Variants in ZFPM1 observed in about 807,000 individuals in gnomAD.
The protein encoded by ZFPM1 is zinc finger protein, FOG family member 1, also known as zinc finger protein ZFPM1.
A neutral mutation model predicts 46.3 loss-of-function variants in ZFPM1; 28 were observed. The ratio of observed to expected loss-of-function variants is 0.60; its 90% confidence interval spans 0.45 to 0.83. The LOEUF is 0.83. Ranked by LOEUF, ZFPM1 falls within the 40% of genes least tolerant of loss-of-function variation. The pLI is 0.00. For missense variants in ZFPM1, 1,878 were observed against 1,432.4 expected, an observed-to-expected ratio of 1.31 and a Z score of -5.02; for synonymous variants, 957 against 675.9, an observed-to-expected ratio of 1.42 and a Z score of -6.45.
Position 88,533,927 on chromosome 16 carries a change from GGCGCGGGCGGCCGGGGCA to G in ZFPM1, c.1973_1990del (p.Ala658_Ser663del). The G allele has an allele frequency of 4.0e-6, 5 of 1,237,236 alleles. No homozygotes were observed. Among genetic ancestry groups the G allele is most frequent in the Non-Finnish European group, 5.2e-6 (5 of 970,330 alleles). 76.6% of individuals were successfully genotyped at this position (1,237,236 alleles called of 1,614,324 possible). ...TGGGGGCGCGGCCACGCCCGAGGAC[GGCGCGGGCGGCCGGGGCA>G]GCGAGGGCAGCCAGAGCCCGGGTAG... On this transcript the variant is annotated inframe_deletion, in exon 10 of 10. Transcript: ENST00000319555.
At position 88,514,472 on chromosome 16, in the gene ZFPM1, C is replaced by A. The variant is rs867838976; in HGVS notation, c.354C>A (p.Phe118Leu). 6.4e-7 allele frequency: 1 copy of A among 1,563,674 alleles called. No homozygotes were observed. The part of the protein sequence containing the change: ...SLATGLSWGP[F>L]HGSVQTRASS... ...CCACGGGCCTGTCCTGGGGCCCGTT[C>A]CATGGGAGTGTCCAGACCAGAGCCT... Residue 118 changes from phenylalanine (F) to leucine (L), a missense_variant, in exon 4 of 10, where the codon TTC (phenylalanine) becomes TTA (leucine). Coordinates refer to ENST00000319555, the MANE Select transcript of ZFPM1 (RefSeq NM_153813.3).
At chr16:88,456,718 TGCGAGTGAGGTC>T (rs1907577999) in intron 1 of ZFPM1, among the ~76,000 whole-genome samples, 1 of 152,018 alleles carries the variant, frequency 6.6e-6, no homozygotes, top group South Asian at 2.1e-4. Flanking sequence ...TGCCAGCAGG[TGCGAGTGAGGTC>T]GGGAGTGATG....
intron 1 of ZFPM1, among the ~76,000 whole-genome samples, chr16:88,462,859 G>GCT (rs1425671455): frequency 6.6e-6 from 1 of 152,064 alleles, no homozygotes; most frequent in African/African-American, 2.4e-5. Context: ...GAGCAGTGAT[G>GCT]CTCACCTCAC....
rs185915895 is a variant in ZFPM1, at chr16:88,468,281, G to A, written c.40+14603G>A. Among the ~76,000 whole-genome samples, 41 of 152,124 alleles carry A rather than the reference G, an allele frequency of 2.7e-4. No individual in the cohort carries two copies. In the East Asian group the frequency reaches 3.5e-3, roughly 13 times the overall value. On this transcript the variant is annotated intron_variant, in intron 1 of 9. Coordinates refer to ENST00000319555, the MANE Select transcript of ZFPM1 (RefSeq NM_153813.3). ...CACCCGCGAGCCCACTGCCTGCGGC[G>A]CACAGAGCCACCAGATCTAGAGGGA...
intron 3 of ZFPM1, among the ~76,000 whole-genome samples, chr16:88,490,724 C>T (rs935861027): frequency 2.0e-5 from 3 of 152,252 alleles, no homozygotes; most frequent in East Asian, 3.9e-4. Flanking sequence ...GAGGATGACC[C>T]GGCCCCATGG....
intron 1 of ZFPM1, among the ~76,000 whole-genome samples, chr16:88,453,916 G>C (rs1364658130): frequency 6.6e-6 from 1 of 151,908 alleles, no homozygotes; most frequent in Non-Finnish European, 1.5e-5. Flanking sequence ...CCCGGAGGCC[G>C]GGAGGAGGGT....
chr16:88,518,594 G>T (rs1911523484), intron 4 of ZFPM1, among the ~76,000 whole-genome samples: 2 of 149,580 alleles, frequency 1.3e-5, no homozygotes, highest in South Asian at 4.2e-4. Context: ...GGATGGTTGG[G>T]TAGGTAGCTG....
In ZFPM1 at chr16:88,504,158, G is replaced by A. The variant is rs138564733; in HGVS notation, c.269-10229G>A. On this transcript the variant is annotated intron_variant, in intron 3 of 9. Coordinates refer to ENST00000319555, the MANE Select transcript of ZFPM1 (RefSeq NM_153813.3). ...GGGGGCAAATGAACAGGCTGAGCAGGGACCTGGTAGGAAGAAAGGGCCCTC... is the reference window on the plus strand; with the variant it reads ...GGGGGCAAATGAACAGGCTGAGCAGAGACCTGGTAGGAAGAAAGGGCCCTC... Among the ~76,000 whole-genome samples the A allele has an allele frequency of 4.2e-3, 644 of 152,188 alleles. 8 individuals are homozygous for A. Among genetic ancestry groups the A allele is most frequent in the African/African-American group, 0.015 (611 of 41,532 alleles).
chr16:88,473,569 C>A (rs1908524675), intron 1 of ZFPM1, among the ~76,000 whole-genome samples: 2 of 152,160 alleles, frequency 1.3e-5, no homozygotes, highest in African/African-American at 4.8e-5. Context: ...TCCTGGGGGA[C>A]CCCTGCTCCC....
At chr16:88,487,397 C>T (rs963661437) in intron 2 of ZFPM1, among the ~76,000 whole-genome samples, 6 of 152,204 alleles carry the variant, frequency 3.9e-5, no homozygotes, top group African/African-American at 1.4e-4. Flanking sequence ...TGTGGCCATA[C>T]CCGGACCATT....
At chr16:88,455,578 C>T (rs1907513124) in intron 1 of ZFPM1, among the ~76,000 whole-genome samples, 1 of 149,114 alleles carries the variant, frequency 6.7e-6, no homozygotes, top group African/African-American at 2.5e-5. Context: ...TCACCTGCGG[C>T]CGGGCCGCGA....
chr16:88,532,331 C>T (rs1269313243), intron 7 of ZFPM1, 96 bp downstream of exon 7: 24 of 1,228,058 alleles, frequency 2.0e-5, no homozygotes, highest in Middle Eastern at 2.7e-4. Flanking sequence ...CAAGCACACA[C>T]GGTGCCACCA....
chr16:88,484,598 G>A (rs1597241525), intron 1 of ZFPM1, among the ~76,000 whole-genome samples: 1 of 152,216 alleles, frequency 6.6e-6, no homozygotes, highest in Non-Finnish European at 1.5e-5. Context: ...TGCCCCCATC[G>A]TGCTTCACAC....
chr16:88,471,789 A>G lies in ZFPM1; in HGVS notation c.41-14150A>G, dbSNP rs2142355163. ...CCACAGACACCTGAGCCTGTGACTAAGACTAAGGCTGTGTGTCCATCTCTG... is the reference window on the plus strand; with the variant it reads ...CCACAGACACCTGAGCCTGTGACTAGGACTAAGGCTGTGTGTCCATCTCTG... On this transcript the variant is annotated intron_variant, in intron 1 of 9. Transcript: ENST00000319555. This position sits in a 1 kb window ranked among gnomAD's most constrained non-coding sequence, Gnocchi z 4.1. 6.6e-6 allele frequency among the ~76,000 whole-genome samples: 1 copy of G among 152,382 alleles called. No homozygotes were observed. The highest frequency in any genetic ancestry group is 6.5e-5 in the Admixed American group (1 of 15,310).
chr16:88,485,538 C>A (rs1909174262), intron 1 of ZFPM1, among the ~76,000 whole-genome samples: 2 of 151,764 alleles, frequency 1.3e-5, no homozygotes, highest in African/African-American at 4.8e-5. Flanking sequence ...CTCCCAGTCT[C>A]AAGCGATCCT....
intron 1 of ZFPM1, among the ~76,000 whole-genome samples, chr16:88,482,624 G>A (rs141622251): frequency 2.7e-4 from 41 of 152,246 alleles, no homozygotes; most frequent in Middle Eastern, 3.4e-3. Flanking sequence ...GTATGCACAG[G>A]GCTGTGTCTC....
intron 3 of ZFPM1, among the ~76,000 whole-genome samples, chr16:88,498,679 G>A (rs970782868): frequency 2.0e-5 from 3 of 152,236 alleles, no homozygotes; most frequent in African/African-American, 7.2e-5. Flanking sequence ...GGCCGAGGGC[G>A]CAGTCCCGGA....
intron 1 of ZFPM1, among the ~76,000 whole-genome samples, chr16:88,485,452 T>C (rs1426177507): frequency 1.3e-5 from 2 of 151,196 alleles, no homozygotes; most frequent in African/African-American, 4.9e-5. Flanking sequence ...TTTTTTTTTT[T>C]TTTTGAAACA....
In ZFPM1 at chr16:88,480,137, C is replaced by T. The variant is rs1034318473; in HGVS notation, c.41-5802C>T. ...CTCCTGCTGTTCCTTTCTCCTGGAG[C>T]GCTTTTCCCTGGACCCGGTGCTGGC... is the stretch of plus-strand genomic sequence containing the variant. On this transcript the variant is annotated intron_variant, in intron 1 of 9. Transcript: ENST00000319555. This position sits in a 1 kb window ranked among gnomAD's most constrained non-coding sequence, Gnocchi z 4.9. Among the ~76,000 whole-genome samples the T allele has an allele frequency of 1.1e-4, 17 of 152,016 alleles. No individual in the cohort carries two copies. The highest frequency in any genetic ancestry group is 2.0e-4 in the Admixed American group (3 of 15,254).
Sources: gnomAD v4.1 joint callset for allele counts (sites outside exome capture counted in the v4.1 genomes callset) on GRCh38, gnomAD v4.1.1 for gene constraint, Gnocchi (gnomAD v3.1) non-coding constraint, MANE v1.5 for transcripts, NCBI Gene and HGNC (gene_info 2026-07-23, HGNC 2026-07-21) for gene names.